Variants in CDC37L1 observed in about 807,000 individuals in gnomAD.
The protein encoded by CDC37L1 is hsp90 co-chaperone Cdc37-like 1.
Under a neutral mutation model 45.9 loss-of-function variants are expected in CDC37L1, and 32 were observed. The observed-to-expected ratio is 0.70, with a 90% CI of 0.53 to 0.94. The LOEUF is 0.94. Among genes scored for constraint, CDC37L1 ranks in the 40% least tolerant of loss-of-function variants. CDC37L1 has a pLI of 0.00. For synonymous variants in CDC37L1, 150 were observed against 133.0 expected (o/e 1.13, Z -0.88); for missense variants, 434 against 405.7 (o/e 1.07, Z -0.60).
At chr9:4,690,887 T>C (rs1841294470) in intron 3 of CDC37L1, among the ~76,000 whole-genome samples, 1 of 152,268 alleles carries the variant, frequency 6.6e-6, no homozygotes, top group Admixed American at 6.5e-5. Flanking sequence ...CACTCTGGAA[T>C]AGATATATCT....
chr9:4,697,095 G>C lies in CDC37L1; in HGVS notation c.509-1G>C. ...TTATGGTTCAATTCTTTTTTTTACA[G>C]GTATGTTGAGTCGATGGGATGATAG... On this transcript the variant is annotated splice_acceptor_variant, in intron 3 of 6. Coordinates refer to ENST00000381854, the MANE Select transcript of CDC37L1 (RefSeq NM_017913.4). LOFTEE classifies it high-confidence loss of function. 1 of 1,363,132 alleles carries C rather than the reference G, an allele frequency of 7.3e-7. No homozygotes were observed. Among genetic ancestry groups the C allele is most frequent in the Non-Finnish European group, 1.0e-6 (1 of 957,598 alleles). 84.4% of individuals were successfully genotyped at this position (1,363,132 alleles called of 1,614,324 possible). A position where few individuals can be genotyped will look rare whatever the true frequency, so the allele number is the denominator to read the frequency against.
intron 2 of CDC37L1, among the ~76,000 whole-genome samples, chr9:4,687,271 T>C (rs1841255599): frequency 6.6e-6 from 1 of 152,226 alleles, no homozygotes; most frequent in Non-Finnish European, 1.5e-5. Flanking sequence ...ATACAAACTT[T>C]ATTCTTGGTA....
intron 1 of CDC37L1, among the ~76,000 whole-genome samples, chr9:4,684,090 C>T (rs1342269850): frequency 7.8e-6 from 1 of 128,890 alleles, no homozygotes; most frequent in African/African-American, 2.9e-5. Flanking sequence ...TCAAGACCAT[C>T]TTGGCCAACA....
chr9:4,694,297 C>G (rs901683106), intron 3 of CDC37L1, among the ~76,000 whole-genome samples: 2 of 152,092 alleles, frequency 1.3e-5, no homozygotes, highest in Admixed American at 6.5e-5. Context: ...CTAGACTGAC[C>G]TAAAACTCCT....
At chr9:4,685,237 A>G in intron 2 of CDC37L1, 79 bp downstream of exon 2, 1 of 1,073,736 alleles carries the variant, frequency 9.3e-7, no homozygotes, top group Middle Eastern at 2.1e-4. Context: ...ATTTGGTAGC[A>G]AAGCAGCAGA....
At position 4,679,807 on chromosome 9, in the gene CDC37L1, C is replaced by T. The variant is rs745352605; in HGVS notation, c.40C>T (p.Pro14Ser). Residue 14 changes from proline (P) to serine (S), a missense_variant, in exon 1 of 7, where the codon CCT (proline) becomes TCT (serine). Coordinates refer to ENST00000381854, the MANE Select transcript of CDC37L1 (RefSeq NM_017913.4). ...GCCGCCTCCGGGACCCTGGAGCCTC[C>T]CTCGGGCCGAGGGTGAGGCTGAGGA... ...PWPPPGPWSL[P>S]RAEGEAEEES... The T allele has an allele frequency of 1.2e-6, 2 of 1,613,816 alleles. No homozygotes were observed. Among genetic ancestry groups the T allele is most frequent in the Admixed American group, 1.7e-5 (1 of 60,022 alleles).
intron 2 of CDC37L1, among the ~76,000 whole-genome samples, chr9:4,688,148 C>T (rs1055911843): frequency 3.9e-5 from 6 of 152,164 alleles, no homozygotes; most frequent in Non-Finnish European, 8.8e-5. Flanking sequence ...TACAGGCATC[C>T]ACCACCATGC....
intron 5 of CDC37L1, 53 bp downstream of exon 5, chr9:4,697,932 C>G (rs183365350): frequency 6.4e-7 from 1 of 1,564,296 alleles, no homozygotes; most frequent in African/African-American, 1.4e-5. Flanking sequence ...CAGCTGAGAC[C>G]TCTTTGTTCT....
intron 6 of CDC37L1, among the ~76,000 whole-genome samples, chr9:4,704,652 T>C (rs1294193734): frequency 6.6e-6 from 1 of 152,148 alleles, no homozygotes; most frequent in Non-Finnish European, 1.5e-5. Flanking sequence ...AGCTGTTTTT[T>C]TGGAGAATGA....
At position 4,679,595 on chromosome 9, in the gene CDC37L1, C is replaced by T. The variant is rs942211172; in HGVS notation, c.-173C>T. ...TTCCGCCGTCCGCCGGTGGCGAGGC[C>T]CAGGCTGTCGCCGGGTGTGCAGCGG... On this transcript the variant is annotated 5_prime_UTR_variant, in exon 1 of 7. Transcript: ENST00000381854. The T allele has an allele frequency of 5.3e-6, 3 of 570,342 alleles. No homozygotes were observed. Among genetic ancestry groups the T allele is most frequent in the South Asian group, 2.7e-5 (1 of 37,166 alleles). The allele number at this position is 570,342 out of a possible 1,614,324, so 35.3% of individuals were successfully genotyped here.
At chr9:4,697,530 T>A (rs1253874126) in intron 4 of CDC37L1, among the ~76,000 whole-genome samples, 2 of 152,060 alleles carry the variant, frequency 1.3e-5, no homozygotes, top group East Asian at 3.8e-4. Flanking sequence ...CAGACGGTAA[T>A]CATGGTATTA....
At position 4,697,137 on chromosome 9, in the gene CDC37L1, G is replaced by C. The variant is rs1211244590; in HGVS notation, c.550G>C (p.Asp184His). ...GGATGATAGCCAGAGATTTTTGTCT[G>C]ACCATCCATACCTTGTATGTGAAGA... ...RWDDSQRFLS[D>H]HPYLVCEETA... The change falls in exon 4 of 7, where the codon GAC becomes CAC. Residue 184 changes from aspartate to histidine, a missense_variant. Asp to His is a moderately conservative substitution (Grantham distance 81). Transcript: ENST00000381854. The C allele has an allele frequency of 6.3e-7, 1 of 1,593,070 alleles. No individual in the cohort carries two copies. Among genetic ancestry groups the C allele is most frequent in the Non-Finnish European group, 8.6e-7 (1 of 1,162,178 alleles).
intron 5 of CDC37L1, among the ~76,000 whole-genome samples, chr9:4,701,342 A>G (rs1238780629): frequency 6.6e-6 from 1 of 152,226 alleles, no homozygotes; most frequent in East Asian, 1.9e-4. Context: ...ATGGTTCCAT[A>G]ATGACGTTGA....
At chr9:4,702,621 C>A (rs1841409023) in intron 6 of CDC37L1, among the ~76,000 whole-genome samples, 1 of 151,968 alleles carries the variant, frequency 6.6e-6, no homozygotes, top group Non-Finnish European at 1.5e-5. Context: ...GTGGCTCGCG[C>A]CTGTAATCCC....
At chr9:4,705,969 C>T (rs374677912) in intron 6 of CDC37L1, 42 bp from the exon 7 acceptor site, 17 of 920,230 alleles carry the variant, frequency 1.8e-5, no homozygotes, top group East Asian at 4.8e-5. Flanking sequence ...GGTTATAATG[C>T]GTTCTTTTTC....
rs561735963 is a variant in CDC37L1 at position 4,702,002 on chromosome 9, A to G, written c.886A>G (p.Ile296Val). 2.1e-5 allele frequency: 31 copies of G among 1,504,130 alleles called. 1 individual carries two copies. In the South Asian group the frequency reaches 4.0e-4, roughly 19 times the overall value. The allele number at this position is 1,504,130 out of a possible 1,614,324, so 93.2% of individuals were successfully genotyped here. The change falls in exon 6 of 7, where the codon ATA becomes GTA. Residue 296 changes from isoleucine to valine, a missense_variant. Transcript: ENST00000381854. ...NHVPHSGVGS[I>V]GLLESLPQNP... ...TGTTCCCCATTCTGGTGTTGGATCTATAGGTTTATTAGAATCCTTACCACA... is the reference window on the plus strand; with the variant it reads ...TGTTCCCCATTCTGGTGTTGGATCTGTAGGTTTATTAGAATCCTTACCACA...
chr9:4,682,161 CTTTTTTTT>C lies in CDC37L1; in HGVS notation c.132+2274_132+2281del, dbSNP rs1198428290. Among the ~76,000 whole-genome samples the C allele has an allele frequency of 1.7e-3, 71 of 42,800 alleles. 2 individuals carry two copies. The East Asian group carries it at 0.046, about 28-fold the overall frequency. The allele number at this position is 42,800 out of a possible 152,430, so 28.1% of individuals were successfully genotyped here. ...CTTTTCTTGATATATTATCCTTTCT[CTTTTTTTT>C]TTTTTTTTTTTGAGGCAGTGTCTTG... On this transcript the variant is annotated intron_variant, in intron 1 of 6. Coordinates refer to ENST00000381854, the MANE Select transcript of CDC37L1 (RefSeq NM_017913.4).
chr9:4,684,062 G>C (rs976348577), intron 1 of CDC37L1, among the ~76,000 whole-genome samples: 2 of 152,144 alleles, frequency 1.3e-5, no homozygotes, highest in Non-Finnish European at 2.9e-5. Context: ...AAGGTGTGTA[G>C]ATCACGAGGT....
intron 6 of CDC37L1, 82 bp downstream of exon 6, chr9:4,702,110 T>A (rs1010558065): frequency 5.5e-5 from 33 of 601,054 alleles, no homozygotes; most frequent in Admixed American, 5.1e-4. Context: ...CTTTTTTTTT[T>A]TTAATATGTG....
Sources: allele counts gnomAD v4.1 joint callset (sites outside exome capture counted in the v4.1 genomes callset), GRCh38; gene constraint gnomAD v4.1.1; transcripts MANE v1.5; gene names NCBI Gene and HGNC (gene_info 2026-07-23, HGNC 2026-07-21).